Variants in BIN3 observed in about 807,000 individuals in gnomAD.
BIN3 encodes the protein bridging integrator 3.
In BIN3, 41 loss-of-function variants were observed where a neutral mutation model predicts 38.2. That is an observed-to-expected ratio of 1.07 (90% CI 0.84 to 1.39). The LOEUF is 1.39. BIN3 is among the 40% of genes most tolerant of loss of function. The probability of loss-of-function intolerance (pLI) is 0.00; values close to 1 mark genes in which losing one functional copy is unlikely to be tolerated. For missense variants in BIN3, 361 were observed against 324.3 expected, an observed-to-expected ratio of 1.11 and a Z score of -0.87; for synonymous variants, 145 against 122.6, an observed-to-expected ratio of 1.18 and a Z score of -1.21.
At chr8:22,641,561 G>A (rs1021902852) in intron 2 of BIN3, among the ~76,000 whole-genome samples, 2 of 152,210 alleles carry the variant, frequency 1.3e-5, no homozygotes, top group Non-Finnish European at 2.9e-5. Flanking sequence ...AGCATTCTGG[G>A]AAGCCCCTCC....
chr8:22,640,297 C>T (rs1357830659), intron 2 of BIN3, among the ~76,000 whole-genome samples: 1 of 152,090 alleles, frequency 6.6e-6, no homozygotes, highest in Non-Finnish European at 1.5e-5. Flanking sequence ...CATGCCTCAG[C>T]CTCCCACGTA....
intron 2 of BIN3, among the ~76,000 whole-genome samples, chr8:22,642,779 T>TGG (rs1445935517): frequency 1.3e-5 from 2 of 152,190 alleles, no homozygotes; most frequent in East Asian, 3.9e-4. Flanking sequence ...AGGGCCAGGA[T>TGG]GGGGACCCAG....
rs188377790 is a variant in BIN3, at chr8:22,661,758, C to T, written c.8+7286G>A. 1.5e-4 allele frequency among the ~76,000 whole-genome samples: 23 copies of T among 152,190 alleles called. No individual in the cohort carries two copies. In the East Asian group the frequency reaches 4.3e-3, roughly 28 times the overall value. ...TTCTTGAGATTTGCCCACACTGGTA[C>T]ATACAGCTCTATTTTACCCATTTTA... On this transcript the variant is annotated intron_variant, in intron 1 of 8. Coordinates refer to ENST00000276416, the MANE Select transcript of BIN3 (RefSeq NM_018688.6).
chr8:22,644,445 G>C, intron 2 of BIN3: 1 of 329,594 alleles, frequency 3.0e-6, no homozygotes, highest in East Asian at 6.1e-5. Flanking sequence ...GAAAAGTATA[G>C]ACCACAAGCC....
At chr8:22,623,157 C>A (rs924829254) in intron 8 of BIN3, among the ~76,000 whole-genome samples, 1 of 152,218 alleles carries the variant, frequency 6.6e-6, no homozygotes, top group African/African-American at 2.4e-5. Context: ...TGTTGCTGAG[C>A]GCAAGCCATC....
Position 22,640,110 on chromosome 8 carries a change from G to A in BIN3, c.58-3148C>T, listed in dbSNP as rs888177749. Among the ~76,000 whole-genome samples, 5 of 151,956 alleles carry A rather than the reference G, an allele frequency of 3.3e-5. No homozygotes were observed. The East Asian group carries it at 5.8e-4, about 18-fold the overall frequency. On this transcript the variant is annotated intron_variant, in intron 2 of 8. Transcript: ENST00000276416. ...CTCCTGACCTCAGGTGATCCCCCCCGCCTCGGCCTCCCAAAGTGTTGGGAT... is the reference window on the plus strand; with the variant it reads ...CTCCTGACCTCAGGTGATCCCCCCCACCTCGGCCTCCCAAAGTGTTGGGAT...
intron 1 of BIN3, among the ~76,000 whole-genome samples, chr8:22,646,675 C>T (rs1802722974): frequency 6.6e-6 from 1 of 152,170 alleles, no homozygotes; most frequent in Non-Finnish European, 1.5e-5. Flanking sequence ...ACATAATAAC[C>T]AGGGAGGAAA....
intron 1 of BIN3, among the ~76,000 whole-genome samples, chr8:22,653,147 T>C (rs1228985609): frequency 6.6e-6 from 1 of 152,248 alleles, no homozygotes; most frequent in African/African-American, 2.4e-5. Flanking sequence ...GACCAGTTTG[T>C]CATTAATGTC....
At chr8:22,650,323 A>T (rs142730231) in intron 1 of BIN3, among the ~76,000 whole-genome samples, 1 of 152,244 alleles carries the variant, frequency 6.6e-6, no homozygotes, top group Non-Finnish European at 1.5e-5. Flanking sequence ...TTTGGTTTGT[A>T]TATCAGGATT....
intron 1 of BIN3, among the ~76,000 whole-genome samples, chr8:22,649,860 C>CAA (rs1491062775): frequency 1.0e-5 from 1 of 99,580 alleles, no homozygotes; most frequent in African/African-American, 7.0e-5. Flanking sequence ...CACACACACC[C>CAA]CCAAAGGAAA....
chr8:22,646,239 C>T (rs1339246516), intron 1 of BIN3, among the ~76,000 whole-genome samples: 2 of 152,198 alleles, frequency 1.3e-5, no homozygotes, highest in Non-Finnish European at 2.9e-5. Context: ...GGTAGACTCC[C>T]GATCCCAGGT....
chr8:22,653,832 G>T (rs117611885), intron 1 of BIN3, among the ~76,000 whole-genome samples: 1 of 147,482 alleles, frequency 6.8e-6, no homozygotes, highest in South Asian at 2.2e-4. Flanking sequence ...CTGAAGCTTT[G>T]TAAGTTTCAC....
chr8:22,624,368 G>A lies in BIN3; in HGVS notation c.339-5C>T, dbSNP rs1801943518. On this transcript the variant is annotated splice_region_variant and splice_polypyrimidine_tract_variant and intron_variant, in intron 6 of 8. Coordinates refer to ENST00000276416, the MANE Select transcript of BIN3 (RefSeq NM_018688.6). ...CTCGGGAAGACACTGCCGAACCTGT[G>A]GGACAAGCTGGCTGGAGATGGGCCC... is the stretch of plus-strand genomic sequence containing the variant. 1.2e-6 allele frequency: 2 copies of A among 1,610,792 alleles called. No homozygotes were observed. The highest frequency in any genetic ancestry group is 1.7e-6 in the Non-Finnish European group (2 of 1,177,944).
In BIN3 at chr8:22,624,343, C is replaced by T. The variant is rs561673964; in HGVS notation, c.359G>A (p.Ser120Asn). ...CCGCCTCTTCACAGCCATGTTGAGG[C>T]TCGGGAAGACACTGCCGAACCTGTG... Reference protein sequence around the residue: ...PLKKFGSVFPSLNMAVKRREQ... With the variant: ...PLKKFGSVFPNLNMAVKRREQ... Residue 120 changes from serine (S) to asparagine (N), a missense_variant, in exon 7 of 9, where the codon AGC becomes AAC. Coordinates refer to ENST00000276416, the MANE Select transcript of BIN3 (RefSeq NM_018688.6). 665 of 1,613,416 alleles carry T rather than the reference C, an allele frequency of 4.1e-4. 6 individuals are homozygous for T. In the South Asian group the frequency reaches 6.9e-3, roughly 17 times the overall value.
At chr8:22,645,604 C>A (rs369931279) in intron 1 of BIN3, among the ~76,000 whole-genome samples, 71 of 134,654 alleles carry the variant, frequency 5.3e-4, no homozygotes, top group Non-Finnish European at 8.0e-4. Flanking sequence ...GGAAGACACC[C>A]GCGAGGATGG....
chr8:22,645,500 G>A (rs1340587424), intron 1 of BIN3, among the ~76,000 whole-genome samples: 1 of 151,408 alleles, frequency 6.6e-6, no homozygotes, highest in African/African-American at 2.4e-5. Flanking sequence ...ATAAAGGAAG[G>A]GAACAGAAGG....
At position 22,662,101 on chromosome 8, in the gene BIN3, A is replaced by G. The variant is rs192427848; in HGVS notation, c.8+6943T>C. On this transcript the variant is annotated intron_variant, in intron 1 of 8. Transcript: ENST00000276416. ...TGAGCCAACACGCCCGGCCCATAAC[A>G]TATCATCATGTAAAGACATCACAAT... 1.3e-4 allele frequency among the ~76,000 whole-genome samples: 20 copies of G among 152,224 alleles called. No individual in the cohort carries two copies. In the East Asian group the frequency reaches 3.5e-3, roughly 26 times the overall value.
chr8:22,625,393 A>G, intron 6 of BIN3: 1 of 702,554 alleles, frequency 1.4e-6, no homozygotes, highest in African/African-American at 1.7e-5. Context: ...GTGACCCAGG[A>G]CCAGAAGAGT....
At chr8:22,650,972 GCCA>G (rs1802872527) in intron 1 of BIN3, among the ~76,000 whole-genome samples, 1 of 152,150 alleles carries the variant, frequency 6.6e-6, no homozygotes, top group Admixed American at 6.5e-5. Flanking sequence ...GCCCTTGGGA[GCCA>G]GCAGATTGTT....
Sources: allele counts gnomAD v4.1 joint callset (sites outside exome capture counted in the v4.1 genomes callset), GRCh38; gene constraint gnomAD v4.1.1; transcripts MANE v1.5; gene names NCBI Gene and HGNC (gene_info 2026-07-23, HGNC 2026-07-21).